Variants in NKAIN2 observed in about 807,000 individuals in gnomAD.
NKAIN2 encodes the protein sodium/potassium transporting ATPase interacting 2, also known as sodium/potassium-transporting ATPase subunit beta-1-interacting protein 2.
Under a neutral mutation model 32.6 loss-of-function variants are expected in NKAIN2, and 14 were observed. The ratio of observed to expected loss-of-function variants is 0.43; its 90% confidence interval spans 0.28 to 0.67. The LOEUF is 0.67. Ranked by LOEUF, NKAIN2 falls within the 30% of genes least tolerant of loss-of-function variation. The pLI, the probability that NKAIN2 is intolerant of heterozygous loss-of-function variation, is 0.17. For missense variants in NKAIN2, 198 were observed against 258.3 expected (o/e 0.77, Z 1.60); for synonymous variants, 80 against 87.2 (o/e 0.92, Z 0.46).
intron 3 of NKAIN2, among the ~76,000 whole-genome samples, chr6:124,476,212 A>G (rs934128815): frequency 6.6e-6 from 1 of 152,176 alleles, no homozygotes; most frequent in Non-Finnish European, 1.5e-5. Flanking sequence ...TGGCCAAGAA[A>G]TAAACTGTCT....
At chr6:124,429,747 G>T (rs560976763) in intron 3 of NKAIN2, among the ~76,000 whole-genome samples, 1 of 152,264 alleles carries the variant, frequency 6.6e-6, no homozygotes, top group South Asian at 2.1e-4. Context: ...GCTGGCACTG[G>T]TGACACAGAC....
chr6:124,672,022 AAGAG>A (rs1009289321), intron 4 of NKAIN2, among the ~76,000 whole-genome samples: 2 of 151,966 alleles, frequency 1.3e-5, no homozygotes, highest in Admixed American at 1.3e-4. Flanking sequence ...AAAAACAAAA[AAGAG>A]AGAAGAAACT....
intron 4 of NKAIN2, among the ~76,000 whole-genome samples, chr6:124,779,283 G>GAGAGAGA (rs1240402173): frequency 8.0e-5 from 8 of 100,050 alleles, no homozygotes; most frequent in Non-Finnish European, 1.7e-4. Flanking sequence ...GAGAGAGAGA[G>GAGAGAGA]GAAGGCAGGA....
chr6:123,867,857 G>T (rs1772622305), intron 1 of NKAIN2, among the ~76,000 whole-genome samples: 1 of 151,030 alleles, frequency 6.6e-6, no homozygotes, highest in Non-Finnish European at 1.5e-5. Context: ...TGTTGTACTG[G>T]GTTCATTTTT....
chr6:124,474,619 T>A (rs1419932450), intron 3 of NKAIN2, among the ~76,000 whole-genome samples: 1 of 151,952 alleles, frequency 6.6e-6, no homozygotes, highest in African/African-American at 2.4e-5. Context: ...TCACCATGAC[T>A]AGCACATACT....
At chr6:124,590,084 G>A (rs1027106730) in intron 3 of NKAIN2, among the ~76,000 whole-genome samples, 2 of 152,074 alleles carry the variant, frequency 1.3e-5, no homozygotes, top group Admixed American at 1.3e-4. Flanking sequence ...TTTCTATTGT[G>A]CTGCTGCCCT....
chr6:124,565,074 G>T (rs757967906), intron 3 of NKAIN2, among the ~76,000 whole-genome samples: 37 of 152,098 alleles, frequency 2.4e-4, no homozygotes, highest in South Asian at 4.1e-4. Flanking sequence ...CAAGAGATTT[G>T]TCTGGGATTG....
intron 3 of NKAIN2, among the ~76,000 whole-genome samples, chr6:124,616,682 T>C (rs1782916735): frequency 6.6e-6 from 1 of 151,724 alleles, no homozygotes; most frequent in Non-Finnish European, 1.5e-5. Flanking sequence ...GCCAGGATGG[T>C]CTTGATCTCC....
chr6:124,812,524 C>T (rs974646327), intron 5 of NKAIN2, among the ~76,000 whole-genome samples: 2 of 152,128 alleles, frequency 1.3e-5, no homozygotes, highest in Non-Finnish European at 2.9e-5. Flanking sequence ...CAGATTTATA[C>T]ATCAGGTAGA....
chr6:123,849,959 TTTGTTTGTTTG>T (rs1361093504), intron 1 of NKAIN2, among the ~76,000 whole-genome samples: 482 of 29,732 alleles, frequency 0.016, 15 homozygotes, highest in South Asian at 0.13. Context: ...GTTTTTTTTT[TTTGTTTGTTTG>T]TTTTTTTTTT....
chr6:124,343,657 C>G (rs973799270), intron 2 of NKAIN2, among the ~76,000 whole-genome samples: 2 of 149,058 alleles, frequency 1.3e-5, no homozygotes, highest in East Asian at 2.0e-4. Flanking sequence ...TGATATCCTT[C>G]GCCCACTTTT....
chr6:124,675,539 G>A (rs1773315934), intron 4 of NKAIN2, among the ~76,000 whole-genome samples: 1 of 152,002 alleles, frequency 6.6e-6, no homozygotes, highest in Non-Finnish European at 1.5e-5. Context: ...ATGAGTTATT[G>A]CTCAGTTCAG....
At chr6:124,416,570 T>C (rs955773068) in intron 3 of NKAIN2, among the ~76,000 whole-genome samples, 2 of 152,136 alleles carry the variant, frequency 1.3e-5, no homozygotes, top group African/African-American at 4.8e-5. Context: ...GCCCAGAAGA[T>C]TGAGGTTGTG....
chr6:123,858,492 A>G (rs1387235089), intron 1 of NKAIN2, among the ~76,000 whole-genome samples: 4 of 152,258 alleles, frequency 2.6e-5, no homozygotes, highest in African/African-American at 7.2e-5. Flanking sequence ...TAGGGGAAAA[A>G]TAATTTTTCC....
chr6:123,822,457 T>C (rs1263844788), intron 1 of NKAIN2, among the ~76,000 whole-genome samples: 1 of 152,132 alleles, frequency 6.6e-6, no homozygotes, highest in Non-Finnish European at 1.5e-5. Flanking sequence ...TAAGAAACAA[T>C]AAGGAGTTTT....
intron 1 of NKAIN2, among the ~76,000 whole-genome samples, chr6:123,818,486 G>C (rs569166407): frequency 2.0e-5 from 3 of 151,974 alleles, no homozygotes; most frequent in African/African-American, 7.2e-5. Context: ...AGAAGGTTCT[G>C]CAAGAATTTT....
chr6:124,260,496 G>A (rs771536346), intron 1 of NKAIN2, among the ~76,000 whole-genome samples: 1 of 152,162 alleles, frequency 6.6e-6, no homozygotes, highest in Non-Finnish European at 1.5e-5. Flanking sequence ...CAGACAGGAT[G>A]GAACATGTAA....
intron 1 of NKAIN2, among the ~76,000 whole-genome samples, chr6:124,089,026 A>T (rs1784311398): frequency 6.6e-6 from 1 of 152,084 alleles, no homozygotes; most frequent in Admixed American, 6.6e-5. Context: ...CTTCCTCCAG[A>T]AATGTTGTGC....
intron 1 of NKAIN2, among the ~76,000 whole-genome samples, chr6:123,939,372 G>T (rs1776710491): frequency 6.6e-6 from 1 of 151,868 alleles, no homozygotes; most frequent in African/African-American, 2.4e-5. Flanking sequence ...AACACCAGTG[G>T]ACCCATTTAC....
Sources: gnomAD v4.1 joint callset for allele counts (sites outside exome capture counted in the v4.1 genomes callset) on GRCh38, gnomAD v4.1.1 for gene constraint, MANE v1.5 for transcripts, NCBI Gene and HGNC (gene_info 2026-07-23, HGNC 2026-07-21) for gene names.